The following CCDC171 variants were observed in gnomAD, a reference collection of about 807,000 sequenced individuals.
CCDC171 encodes coiled-coil domain containing 171.
A neutral mutation model predicts 168.2 loss-of-function variants in CCDC171; 177 were observed. That is an observed-to-expected ratio of 1.05 (90% CI 0.93 to 1.19). The LOEUF is 1.19. Ranked by LOEUF, CCDC171 falls within the 50% of genes most tolerant of loss-of-function variation. The pLI is 0.00. For synonymous variants in CCDC171, 687 were observed against 540.8 expected (o/e 1.27, Z -3.75); for missense variants, 1,991 against 1,539.0 (o/e 1.29, Z -4.91).
intron 3 of CCDC171, among the ~76,000 whole-genome samples, chr9:15,984,237 G>C (rs1405669297): frequency 1.8e-5 from 1 of 55,018 alleles, no homozygotes; most frequent in African/African-American, 8.8e-5. Flanking sequence ...TAGACTTCCA[G>C]GCCTCAGAAA....
At chr9:15,618,187 T>C (rs2044234289) in intron 6 of CCDC171, among the ~76,000 whole-genome samples, 1 of 152,202 alleles carries the variant, frequency 6.6e-6, no homozygotes. Context: ...AGCTCCTGAC[T>C]GAACTGCTGC....
chr9:15,868,581 A>G (rs965939806), intron 23 of CCDC171, among the ~76,000 whole-genome samples: 1 of 151,948 alleles, frequency 6.6e-6, no homozygotes, highest in Non-Finnish European at 1.5e-5. Context: ...AAGATGTTTA[A>G]TATTCATTGA....
intron 1 of CCDC171, among the ~76,000 whole-genome samples, chr9:16,051,556 G>A (rs1193138809): frequency 1.3e-5 from 2 of 152,136 alleles, no homozygotes; most frequent in Non-Finnish European, 2.9e-5. Flanking sequence ...TTTGAGGTAC[G>A]ACCCATCCTT....
At chr9:16,102,292 T>G in the CCDC171 span, among the ~76,000 whole-genome samples, 1 of 152,278 alleles carries the variant, frequency 6.6e-6, no homozygotes, top group South Asian at 2.1e-4. Context: ...TCAGTTGAGA[T>G]CTGTAGACAT....
chr9:15,869,304 A>T (rs967897141), intron 23 of CCDC171, among the ~76,000 whole-genome samples: 1 of 152,002 alleles, frequency 6.6e-6, no homozygotes, highest in Non-Finnish European at 1.5e-5. Context: ...GAAAGTATCC[A>T]TTTAGATGTA....
intron 18 of CCDC171, among the ~76,000 whole-genome samples, chr9:15,765,872 T>C (rs532253250): frequency 6.6e-6 from 1 of 152,306 alleles, no homozygotes; most frequent in South Asian, 2.1e-4. Flanking sequence ...CTTGTGTTTT[T>C]GCATATTTTG....
At position 15,972,791 on chromosome 9, in the gene CCDC171, A is replaced by T. The variant is rs1318722940; in HGVS notation, c.*955A>T. 1 of 152,148 alleles carries T rather than the reference A, an allele frequency of 6.6e-6. No homozygotes were observed. The highest frequency in any genetic ancestry group is 1.9e-4 in the East Asian group (1 of 5,196). 9.4% of individuals were successfully genotyped at this position (152,148 alleles called of 1,614,324 possible). ...CTGCATTTTCTGCCTTGTAGCACAC[A>T]AAAGTAAAATTGTATGTCAGGCCGA... On this transcript the variant is annotated 3_prime_UTR_variant, in exon 26 of 26. Coordinates refer to ENST00000380701, the MANE Select transcript of CCDC171 (RefSeq NM_173550.4).
chr9:15,624,938 A>C (rs2044925082), intron 7 of CCDC171, among the ~76,000 whole-genome samples: 1 of 152,142 alleles, frequency 6.6e-6, no homozygotes, highest in African/African-American at 2.4e-5. Flanking sequence ...AAAAGTGTCA[A>C]AAAGTGTTCC....
chr9:15,683,542 A>G (rs1057196078), intron 10 of CCDC171, among the ~76,000 whole-genome samples: 1 of 152,066 alleles, frequency 6.6e-6, no homozygotes, highest in African/African-American at 2.4e-5. Context: ...TTTTGCTAAT[A>G]TAAATATCAC....
intron 6 of CCDC171, among the ~76,000 whole-genome samples, chr9:15,600,069 TTG>T (rs1288008804): frequency 2.6e-5 from 4 of 152,194 alleles, no homozygotes; most frequent in African/African-American, 9.7e-5. Flanking sequence ...TTCATCTTCT[TTG>T]CCATGGGTTC....
At chr9:16,018,181 C>G (rs1833077652) in intron 3 of CCDC171, among the ~76,000 whole-genome samples, 1 of 152,060 alleles carries the variant, frequency 6.6e-6, no homozygotes, top group Non-Finnish European at 1.5e-5. Context: ...TGCTTGTTAG[C>G]CTATTAGATG....
intron 25 of CCDC171, among the ~76,000 whole-genome samples, chr9:15,970,189 AT>A (rs1359163329): frequency 6.6e-6 from 1 of 152,084 alleles, no homozygotes; most frequent in Non-Finnish European, 1.5e-5. Context: ...GCAGATATTG[AT>A]TTTTTCTCCA....
rs964183919 is a variant in CCDC171 at position 15,585,171 on chromosome 9, G to GA, written c.352+6155dup. Among the ~76,000 whole-genome samples the GA allele has an allele frequency of 6.6e-5, 10 of 152,208 alleles. No individual in the cohort carries two copies. In the South Asian group the frequency reaches 2.1e-3, roughly 32 times the overall value. ...AGTGTAAAATGATACAGCCACTTTA[G>GA]AAAAAAACCTGGCCGTTTCTTTTAA... On this transcript the variant is annotated intron_variant, in intron 4 of 25. Coordinates refer to ENST00000380701, the MANE Select transcript of CCDC171 (RefSeq NM_173550.4).
intron 21 of CCDC171, among the ~76,000 whole-genome samples, chr9:15,806,926 A>G (rs945014797): frequency 6.6e-6 from 1 of 151,640 alleles, no homozygotes; most frequent in African/African-American, 2.4e-5. Flanking sequence ...TGTTTTTCTC[A>G]TTCATTTTTC....
chr9:15,762,711 C>T (rs560451566), intron 18 of CCDC171, among the ~76,000 whole-genome samples: 1 of 152,238 alleles, frequency 6.6e-6, no homozygotes, highest in South Asian at 2.1e-4. Context: ...TAAAATTTGA[C>T]TAGTTGTGAA....
chr9:15,603,084 C>CT (rs2042979732), intron 6 of CCDC171, among the ~76,000 whole-genome samples: 1 of 152,154 alleles, frequency 6.6e-6, no homozygotes, highest in Admixed American at 6.5e-5. Context: ...TGGGTTCATG[C>CT]TATTCTCCTG....
chr9:15,929,204 T>A (rs1826226673), intron 25 of CCDC171, among the ~76,000 whole-genome samples: 1 of 151,750 alleles, frequency 6.6e-6, no homozygotes. Flanking sequence ...TATAATTGAT[T>A]AGTAATTAAG....
At chr9:15,703,967 A>T (rs1235086021) in intron 11 of CCDC171, among the ~76,000 whole-genome samples, 3 of 152,170 alleles carry the variant, frequency 2.0e-5, no homozygotes, top group East Asian at 3.8e-4. Flanking sequence ...ATCATGAAAA[A>T]CTTTGAAATA....
At chr9:16,053,874 A>G (rs1285905837) in intron 1 of CCDC171, among the ~76,000 whole-genome samples, 7 of 152,284 alleles carry the variant, frequency 4.6e-5, no homozygotes, top group Admixed American at 2.6e-4. Context: ...AAATCTGAAC[A>G]TCTCTTCTCA....
Sources: allele counts gnomAD v4.1 joint callset (sites outside exome capture counted in the v4.1 genomes callset), GRCh38; gene constraint gnomAD v4.1.1; transcripts MANE v1.5; gene names NCBI Gene and HGNC (gene_info 2026-07-23, HGNC 2026-07-21).